PDCD1LG2: variants seen among roughly 807,000 people sequenced by gnomAD.
The protein encoded by PDCD1LG2 is programmed cell death 1 ligand 2, also known as B7 dendritic cell molecule.
In PDCD1LG2, 32 loss-of-function variants were observed where a neutral mutation model predicts 28.2. The observed-to-expected ratio is 1.13, with a 90% CI of 0.86 to 1.52. PDCD1LG2 has a LOEUF of 1.52. PDCD1LG2 is among the 40% of genes most tolerant of loss of function. The pLI is 0.00. For synonymous variants in PDCD1LG2, 116 were observed against 120.2 expected, an observed-to-expected ratio of 0.97 and a Z score of 0.23; for missense variants, 385 against 323.8, an observed-to-expected ratio of 1.19 and a Z score of -1.45.
intron 1 of PDCD1LG2, among the ~76,000 whole-genome samples, chr9:5,516,743 AC>A (rs1820173056): frequency 6.6e-6 from 1 of 152,160 alleles, no homozygotes; most frequent in African/African-American, 2.4e-5. Context: ...CATCCTGAGC[AC>A]CCACATGCCT....
chr9:5,549,743 G>T (rs115137266), intron 4 of PDCD1LG2, 139 bp downstream of exon 4: 1 of 1,084,642 alleles, frequency 9.2e-7, no homozygotes. Context: ...AACTACAAAG[G>T]ATAGTGCAGA....
chr9:5,559,342 T>C (rs895723494), intron 5 of PDCD1LG2, among the ~76,000 whole-genome samples: 10 of 152,262 alleles, frequency 6.6e-5, no homozygotes, highest in Admixed American at 5.9e-4. Context: ...TGGTTGCCTA[T>C]ATAACCCTTG....
intron 3 of PDCD1LG2, among the ~76,000 whole-genome samples, chr9:5,543,154 C>T (rs1189998116): frequency 6.6e-6 from 1 of 152,034 alleles, no homozygotes; most frequent in African/African-American, 2.4e-5. Flanking sequence ...CTCATAAGTG[C>T]GAGCTAAGCT....
chr9:5,548,540 G>A (rs890511251), intron 3 of PDCD1LG2, among the ~76,000 whole-genome samples: 12 of 152,104 alleles, frequency 7.9e-5, no homozygotes, highest in African/African-American at 2.9e-4. Flanking sequence ...TGGATCATGT[G>A]GTCATTCTAT....
intron 3 of PDCD1LG2, among the ~76,000 whole-genome samples, chr9:5,546,331 T>A (rs550123876): frequency 4.6e-5 from 7 of 152,192 alleles, no homozygotes; most frequent in Non-Finnish European, 8.8e-5. Context: ...TTCTACTTCA[T>A]TCCCCAAAAG....
intron 5 of PDCD1LG2, among the ~76,000 whole-genome samples, chr9:5,560,685 T>C (rs1366563105): frequency 6.7e-6 from 1 of 148,494 alleles, no homozygotes; most frequent in Non-Finnish European, 1.5e-5. Context: ...TTAGGGCCAT[T>C]GGTATCCTGA....
intron 2 of PDCD1LG2, among the ~76,000 whole-genome samples, chr9:5,524,399 G>T (rs1448695465): frequency 1.3e-5 from 2 of 152,222 alleles, no homozygotes; most frequent in Non-Finnish European, 2.9e-5. Flanking sequence ...AAAAATATGT[G>T]TAATGAATTA....
chr9:5,535,152 G>C (rs930915006), intron 3 of PDCD1LG2, 102 bp downstream of exon 3: 6 of 1,094,862 alleles, frequency 5.5e-6, no homozygotes, highest in Non-Finnish European at 5.1e-6. Flanking sequence ...AAACAAGCAG[G>C]CTGCTTTTAA....
chr9:5,569,360 C>T lies in PDCD1LG2; in HGVS notation c.817-594C>T, dbSNP rs569218587. 2.0e-5 allele frequency among the ~76,000 whole-genome samples: 3 copies of T among 152,080 alleles called. No individual in the cohort carries two copies. The highest frequency in any genetic ancestry group is 2.9e-5 in the Non-Finnish European group (2 of 68,006). On this transcript the variant is annotated intron_variant, in intron 6 of 6. Transcript: ENST00000397747. This position sits in a 1 kb window ranked among gnomAD's most constrained non-coding sequence, Gnocchi z 4.1. ...AAGGGGAGGGAGCAGTTCCCAGAAC[C>T]CTAGTAAAAATGGCAATGAGAAAGG...
Position 5,557,799 on chromosome 9 carries a change from G to C in PDCD1LG2, c.766+47G>C, listed in dbSNP as rs779584855. Reference sequence around the variant, plus strand: ...TAACCCAATGCACTGGGTGTCTGCAGCATGAGCCACTGCTTTGCACTGCAG... The same window carrying C: ...TAACCCAATGCACTGGGTGTCTGCACCATGAGCCACTGCTTTGCACTGCAG... On this transcript the variant is annotated intron_variant, in intron 5 of 6. Transcript: ENST00000397747. 2.0e-5 allele frequency: 32 copies of C among 1,606,208 alleles called. No individual in the cohort carries two copies. The East Asian group carries it at 7.1e-4, about 36-fold the overall frequency.
At chr9:5,517,047 G>T (rs923383164) in intron 1 of PDCD1LG2, among the ~76,000 whole-genome samples, 1 of 152,188 alleles carries the variant, frequency 6.6e-6, no homozygotes, top group South Asian at 2.1e-4. Flanking sequence ...TGCTCTAAAC[G>T]GGCAGCTGCT....
intron 3 of PDCD1LG2, among the ~76,000 whole-genome samples, chr9:5,543,617 G>A (rs1207295830): frequency 6.6e-6 from 1 of 150,398 alleles, no homozygotes; most frequent in Non-Finnish European, 1.5e-5. Flanking sequence ...CAATCAAAGA[G>A]AAGCAAGGCA....
At chr9:5,537,719 G>C (rs570616195) in intron 3 of PDCD1LG2, among the ~76,000 whole-genome samples, 6 of 152,246 alleles carry the variant, frequency 3.9e-5, no homozygotes, top group East Asian at 3.9e-4. Flanking sequence ...TCACACACTG[G>C]GGACTGTTGT....
chr9:5,531,347 A>C (rs1820480436), intron 2 of PDCD1LG2, among the ~76,000 whole-genome samples: 1 of 152,240 alleles, frequency 6.6e-6, no homozygotes. Flanking sequence ...TTTTGTATGG[A>C]GTAATCAAGC....
intron 3 of PDCD1LG2, 141 bp downstream of exon 3, chr9:5,535,191 G>C: frequency 1.3e-6 from 1 of 770,764 alleles, no homozygotes; most frequent in Non-Finnish European, 2.0e-6. Flanking sequence ...GAAAATGAAA[G>C]CATCTGCTCG....
intron 3 of PDCD1LG2, among the ~76,000 whole-genome samples, chr9:5,539,168 T>G (rs1236912020): frequency 6.6e-6 from 1 of 152,180 alleles, no homozygotes; most frequent in Admixed American, 6.5e-5. Flanking sequence ...TATATGTTTT[T>G]CCAGTATAGA....
intron 5 of PDCD1LG2, among the ~76,000 whole-genome samples, chr9:5,560,472 A>T (rs1260256895): frequency 6.6e-6 from 1 of 152,162 alleles, no homozygotes; most frequent in East Asian, 1.9e-4. Context: ...ATCCCCACAC[A>T]GACCACAGTG....
chr9:5,518,706 T>C (rs1288118007), intron 1 of PDCD1LG2, among the ~76,000 whole-genome samples: 1 of 152,242 alleles, frequency 6.6e-6, no homozygotes, highest in Non-Finnish European at 1.5e-5. Context: ...CTCTAGCTAC[T>C]GACTCATTTC....
At chr9:5,557,147 G>C (rs1301650989) in intron 4 of PDCD1LG2, among the ~76,000 whole-genome samples, 1 of 152,190 alleles carries the variant, frequency 6.6e-6, no homozygotes, top group African/African-American at 2.4e-5. Context: ...GTGGGGGAAA[G>C]ACATTTTTGG....
Sources: gnomAD v4.1 joint callset for allele counts (sites outside exome capture counted in the v4.1 genomes callset) on GRCh38, gnomAD v4.1.1 for gene constraint, Gnocchi (gnomAD v3.1) non-coding constraint, MANE v1.5 for transcripts, NCBI Gene and HGNC (gene_info 2026-07-23, HGNC 2026-07-21) for gene names.